The following PSPC1 variants were observed in gnomAD, a reference collection of about 807,000 sequenced individuals.
PSPC1 encodes the protein paraspeckle protein 1.
Under a neutral mutation model 51.6 loss-of-function variants are expected in PSPC1, and 14 were observed. The observed-to-expected ratio is 0.27, with a 90% CI of 0.18 to 0.42. PSPC1 has a LOEUF of 0.42. Among genes scored for constraint, PSPC1 ranks in the 10% least tolerant of loss-of-function variants. The pLI is 1.00. For missense variants in PSPC1, 406 were observed against 701.1 expected (o/e 0.58, Z 4.75); for synonymous variants, 193 against 231.9 (o/e 0.83, Z 1.53).
chr13:19,765,915 ATTTT>A (rs1043958556), intron 2 of PSPC1, among the ~76,000 whole-genome samples: 6 of 152,180 alleles, frequency 3.9e-5, no homozygotes, highest in South Asian at 4.1e-4. Flanking sequence ...TTCTTAAAGA[ATTTT>A]TTTTGTCTAA....
intron 7 of PSPC1, among the ~76,000 whole-genome samples, chr13:19,676,417 G>C (rs1565950231): frequency 6.6e-6 from 1 of 152,152 alleles, no homozygotes; most frequent in East Asian, 1.9e-4. Flanking sequence ...TAACTTTCTA[G>C]AGCTGGGTAC....
intron 2 of PSPC1, among the ~76,000 whole-genome samples, chr13:19,769,961 G>A (rs769907229): frequency 4.6e-5 from 7 of 152,078 alleles, no homozygotes; most frequent in Admixed American, 6.6e-5. Flanking sequence ...ATATTCACAA[G>A]AAGCCTTGTA....
At chr13:19,779,691 C>A (rs1889673762) in intron 1 of PSPC1, among the ~76,000 whole-genome samples, 1 of 98,836 alleles carries the variant, frequency 1.0e-5, no homozygotes, top group Admixed American at 9.1e-5. Flanking sequence ...GTGGGGGGGT[C>A]AGCCCCCCGC....
rs547896584 is a variant in PSPC1, at chr13:19,707,732, T to C, written c.1216+1810A>G. 4.9e-3 allele frequency among the ~76,000 whole-genome samples: 740 copies of C among 152,300 alleles called. 7 individuals carry two copies. Among genetic ancestry groups the C allele is most frequent in the African/African-American group, 0.017 (718 of 41,580 alleles). On this transcript the variant is annotated intron_variant, in intron 7 of 8. Transcript: ENST00000338910. ...TATTCTGATATTTCTTCTGATAAAA[T>C]TGCAGAGTATCTCTGCACCATCAGA...
chr13:19,672,717 C>CTT (rs1876204430), downstream of PSPC1: 1 of 163,798 alleles, frequency 6.1e-6, no homozygotes, highest in Admixed American at 5.9e-5. Flanking sequence ...GCTGTAGTCA[C>CTT]TTATCATCTT....
intron 6 of PSPC1, among the ~76,000 whole-genome samples, chr13:19,714,372 T>G (rs145561588): frequency 6.6e-6 from 1 of 152,296 alleles, no homozygotes; most frequent in East Asian, 1.9e-4. Context: ...ATAAATACAT[T>G]AGCATTTTGG....
downstream of PSPC1, chr13:19,702,355 A>G (rs547092277): frequency 7.2e-5 from 11 of 152,308 alleles, no homozygotes; most frequent in Admixed American, 1.3e-4. Flanking sequence ...ACCCAACAGT[A>G]TTGTTTTATT....
intron 6 of PSPC1, among the ~76,000 whole-genome samples, chr13:19,683,044 G>C (rs967958317): frequency 3.3e-5 from 5 of 152,088 alleles, no homozygotes; most frequent in East Asian, 3.9e-4. Flanking sequence ...CTCCAGCCTG[G>C]GTGACAGAGT....
At chr13:19,729,066 T>C (rs1883722728) in intron 6 of PSPC1, among the ~76,000 whole-genome samples, 1 of 152,096 alleles carries the variant, frequency 6.6e-6, no homozygotes, top group Admixed American at 6.6e-5. Context: ...GGTGGAGTAA[T>C]AAAAACCAGG....
Position 19,782,720 on chromosome 13 carries a change from T to G in PSPC1, c.38A>C (p.Glu13Ala). 6.4e-7 allele frequency: 1 copy of G among 1,569,190 alleles called. No individual in the cohort carries two copies. The change falls in exon 1 of 9, where the codon GAG becomes GCG. Residue 13 changes from glutamate (E) to alanine (A), a missense_variant. This residue lies in a region of PSPC1 where 128 missense variants were observed against 107.1 expected (regional missense o/e 1.20). Coordinates refer to ENST00000338910, the MANE Select transcript of PSPC1 (RefSeq NM_001354909.2). The surrounding 1 kb of genome is among the most constrained non-coding windows in gnomAD (Gnocchi z 4.5). The stretch of plus-strand genomic sequence containing the variant: ...GGCGCGAAGGCGGGCCGGGTTTTTC[T>G]CAATGCGCACTTGCTTCAGGTTTCC... ...LRGNLKQVRIEKNPARLRALE... is the reference protein window; with the variant it reads ...LRGNLKQVRIAKNPARLRALE...
intron 4 of PSPC1, among the ~76,000 whole-genome samples, chr13:19,742,754 T>C (rs1379006183): frequency 1.3e-5 from 2 of 151,900 alleles, no homozygotes; most frequent in South Asian, 2.1e-4. Context: ...AAATAACAAA[T>C]TGTAATTGTT....
At chr13:19,769,330 T>C (rs373430984) in intron 2 of PSPC1, among the ~76,000 whole-genome samples, 7 of 151,194 alleles carry the variant, frequency 4.6e-5, no homozygotes, top group South Asian at 2.1e-4. Flanking sequence ...CCGAGGCAGG[T>C]GGATCACGAG....
intron 4 of PSPC1, among the ~76,000 whole-genome samples, chr13:19,745,619 A>AT (rs1162271178): frequency 0.087 from 12,187 of 140,782 alleles, 557 homozygotes; most frequent in Middle Eastern, 0.13. Context: ...CACTGAATTA[A>AT]TTTTTTTTTT....
chr13:19,734,539 C>G (rs565513052), intron 5 of PSPC1, among the ~76,000 whole-genome samples: 1 of 152,160 alleles, frequency 6.6e-6, no homozygotes, highest in Non-Finnish European at 1.5e-5. Flanking sequence ...CACTGGCTCA[C>G]GCCTGTAATC....
At chr13:19,697,621 A>G (rs921360489), downstream of PSPC1, among the ~76,000 whole-genome samples, 4 of 152,158 alleles carry the variant, frequency 2.6e-5, no homozygotes, top group African/African-American at 9.7e-5. Flanking sequence ...CTGGGAACAT[A>G]TTTTCTAATC....
intron 5 of PSPC1, chr13:19,737,028 G>A (rs1188135957): frequency 2.0e-5 from 3 of 152,056 alleles, no homozygotes; most frequent in African/African-American, 7.2e-5. Context: ...CTATTCACAG[G>A]CGCTATCCCA....
intron 8 of PSPC1, among the ~76,000 whole-genome samples, chr13:19,703,975 G>C (rs1358358706): frequency 6.6e-6 from 1 of 152,126 alleles, no homozygotes; most frequent in African/African-American, 2.4e-5. Context: ...TTAAACATCT[G>C]AATTAAGTAT....
intron 6 of PSPC1, among the ~76,000 whole-genome samples, chr13:19,696,535 A>G (rs1879280815): frequency 6.6e-6 from 1 of 151,912 alleles, no homozygotes; most frequent in South Asian, 2.1e-4. Context: ...ACACACACAT[A>G]TCTGACGCTA....
intron 6 of PSPC1, among the ~76,000 whole-genome samples, chr13:19,712,700 G>A (rs1336289971): frequency 6.6e-6 from 1 of 151,828 alleles, no homozygotes; most frequent in African/African-American, 2.4e-5. Context: ...GCATATTACT[G>A]TATTAAAATA....
Sources: gnomAD v4.1 joint callset for allele counts (sites outside exome capture counted in the v4.1 genomes callset) on GRCh38, gnomAD v4.1.1 for gene constraint, gnomAD v4.1.1 regional missense constraint, Gnocchi (gnomAD v3.1) non-coding constraint, MANE v1.5 for transcripts, NCBI Gene and HGNC (gene_info 2026-07-23, HGNC 2026-07-21) for gene names.